LTBP1: variants seen among roughly 807,000 people sequenced by gnomAD.
LTBP1 encodes latent transforming growth factor beta binding protein 1.
A neutral mutation model predicts 207.6 loss-of-function variants in LTBP1; 129 were observed. The observed-to-expected ratio is 0.62, with a 90% CI of 0.54 to 0.72. The LOEUF (loss-of-function observed/expected upper bound fraction) is 0.72, where lower values mean the gene tolerates loss of function less well. Among genes scored for constraint, LTBP1 ranks in the 30% least tolerant of loss-of-function variants. The pLI, the probability that LTBP1 is intolerant of heterozygous loss-of-function variation, is 0.00. For synonymous variants in LTBP1, 963 were observed against 833.7 expected, an observed-to-expected ratio of 1.16 and a Z score of -2.67; for missense variants, 2,281 against 2,217.2, an observed-to-expected ratio of 1.03 and a Z score of -0.58.
intron 3 of LTBP1, among the ~76,000 whole-genome samples, chr2:33,037,995 A>G (rs1299651992): frequency 6.6e-6 from 1 of 152,246 alleles, no homozygotes; most frequent in Non-Finnish European, 1.5e-5. Flanking sequence ...CTGGGCTTAC[A>G]GGGCATGAGC....
intron 33 of LTBP1, 59 bp from the exon 34 acceptor site, chr2:33,398,305 A>G: frequency 2.6e-6 from 4 of 1,521,386 alleles, no homozygotes; most frequent in Non-Finnish European, 3.6e-6. Flanking sequence ...GCCTCAGGTT[A>G]TGTGTCCTCA....
chr2:33,389,418 C>A (rs1473676121), intron 32 of LTBP1, 112 bp downstream of exon 32: 7 of 1,427,902 alleles, frequency 4.9e-6, no homozygotes, highest in East Asian at 2.3e-5. Flanking sequence ...GGTCCCACCC[C>A]AGACCTGCTG....
At chr2:33,231,923 GAC>G (rs1553462066) in intron 9 of LTBP1, among the ~76,000 whole-genome samples, 1 of 152,252 alleles carries the variant, frequency 6.6e-6, no homozygotes, top group South Asian at 2.1e-4. Flanking sequence ...AGAACAGTAA[GAC>G]AGATTTTATT....
intron 31 of LTBP1, among the ~76,000 whole-genome samples, 196 bp from the exon 32 acceptor site, chr2:33,388,988 C>T (rs557796430): frequency 2.0e-5 from 3 of 152,272 alleles, no homozygotes; most frequent in South Asian, 2.1e-4. Flanking sequence ...TTATGCTGTA[C>T]AGCAGTCGTT....
intron 20 of LTBP1, among the ~76,000 whole-genome samples, chr2:33,296,997 C>G (rs1293403371): frequency 1.3e-5 from 2 of 152,136 alleles, no homozygotes; most frequent in African/African-American, 4.8e-5. Flanking sequence ...GAGGCATAAA[C>G]AAAGTTTCGT....
intron 19 of LTBP1, among the ~76,000 whole-genome samples, chr2:33,290,661 C>CG (rs2093756196): frequency 6.6e-6 from 1 of 152,064 alleles, no homozygotes; most frequent in African/African-American, 2.4e-5. Flanking sequence ...GATTGGTATG[C>CG]CTGGGCAATA....
chr2:33,338,231 T>C (rs1184355130), intron 24 of LTBP1, among the ~76,000 whole-genome samples: 2 of 152,222 alleles, frequency 1.3e-5, no homozygotes, highest in Non-Finnish European at 2.9e-5. Context: ...ATCTAAACTT[T>C]CTCGGTTAAT....
At chr2:33,143,302 C>G (rs913514932) in intron 5 of LTBP1, among the ~76,000 whole-genome samples, 2 of 152,208 alleles carry the variant, frequency 1.3e-5, no homozygotes, top group Non-Finnish European at 2.9e-5. Flanking sequence ...GGAACAAAGA[C>G]TTGTCCACTC....
intron 2 of LTBP1, among the ~76,000 whole-genome samples, chr2:32,967,478 C>T (rs146571676): frequency 1.0e-3 from 153 of 152,210 alleles, no homozygotes; most frequent in African/African-American, 3.7e-3. Flanking sequence ...CCTCTAAACA[C>T]TGCTTTCACT....
Position 33,134,680 on chromosome 2 carries a change from C to A in LTBP1, c.1034-113C>A. The A allele has an allele frequency of 6.3e-7, 1 of 1,591,984 alleles. No homozygotes were observed. Among genetic ancestry groups the A allele is most frequent in the South Asian group, 1.2e-5 (1 of 86,190 alleles). On this transcript the variant is annotated intron_variant, in intron 4 of 33. Transcript: ENST00000404816. The surrounding 1 kb of genome is among the most constrained non-coding windows in gnomAD (Gnocchi z 4.4). ...GTCGGGTTGTGGGCTCTCTCTTTTC[C>A]CCTCTTGCTCCTTTCTTTTCTTTTT...
intron 3 of LTBP1, among the ~76,000 whole-genome samples, chr2:33,108,431 T>G (rs1415027962): frequency 3.3e-5 from 5 of 152,134 alleles, no homozygotes; most frequent in Non-Finnish European, 2.9e-5. Flanking sequence ...TTAACTTAAG[T>G]TCTAGACCTA....
At chr2:33,397,434 C>G (rs899266418) in intron 33 of LTBP1, 152 bp downstream of exon 33, 1 of 633,954 alleles carries the variant, frequency 1.6e-6, no homozygotes, top group Non-Finnish European at 2.7e-6. Context: ...TATGAATATA[C>G]TTAATGCCAC....
At chr2:33,227,810 T>A (rs929066627) in intron 9 of LTBP1, among the ~76,000 whole-genome samples, 1 of 136,488 alleles carries the variant, frequency 7.3e-6, no homozygotes, top group Non-Finnish European at 1.6e-5. Context: ...TTTTTTTTTT[T>A]TTTTTTTTTT....
chr2:33,315,043 G>A (rs2094246465), intron 23 of LTBP1, 101 bp from the exon 24 acceptor site: 1 of 921,368 alleles, frequency 1.1e-6, no homozygotes, highest in African/African-American at 1.7e-5. Flanking sequence ...CTAAATAAAT[G>A]TCCAGCCATG....
intron 3 of LTBP1, among the ~76,000 whole-genome samples, chr2:33,030,632 T>G (rs1335949230): frequency 6.6e-6 from 1 of 152,244 alleles, no homozygotes. Context: ...GTCTCCTTGA[T>G]TAATTTCTTT....
At chr2:33,098,743 A>G (rs1292329809) in intron 3 of LTBP1, among the ~76,000 whole-genome samples, 2 of 152,156 alleles carry the variant, frequency 1.3e-5, no homozygotes, top group African/African-American at 2.4e-5. Context: ...CTGGCCCACA[A>G]ATGATTTTTA....
At chr2:33,070,495 A>G (rs1572486495) in intron 3 of LTBP1, among the ~76,000 whole-genome samples, 2 of 152,184 alleles carry the variant, frequency 1.3e-5, no homozygotes, top group Non-Finnish European at 2.9e-5. Flanking sequence ...TTCTTAAGTA[A>G]TGTCTGCCCA....
intron 7 of LTBP1, among the ~76,000 whole-genome samples, chr2:33,214,489 A>G (rs1407518678): frequency 6.6e-6 from 1 of 152,064 alleles, no homozygotes; most frequent in East Asian, 1.9e-4. Context: ...CATCTCTGTG[A>G]CTACCTACCC....
intron 7 of LTBP1, among the ~76,000 whole-genome samples, chr2:33,211,441 G>A (rs2090303451): frequency 6.6e-6 from 1 of 152,218 alleles, no homozygotes; most frequent in Non-Finnish European, 1.5e-5. Flanking sequence ...TGGAGTCCCA[G>A]TATCTGGGAT....
Sources: gnomAD v4.1 joint callset for allele counts (sites outside exome capture counted in the v4.1 genomes callset) on GRCh38, gnomAD v4.1.1 for gene constraint, Gnocchi (gnomAD v3.1) non-coding constraint, MANE v1.5 for transcripts, NCBI Gene and HGNC (gene_info 2026-07-23, HGNC 2026-07-21) for gene names.